The following NDRG4 variants were observed in gnomAD, a reference collection of about 807,000 sequenced individuals.
NDRG4 encodes the protein protein NDRG4.
Under a neutral mutation model 55.8 loss-of-function variants are expected in NDRG4, and 38 were observed. The ratio of observed to expected loss-of-function variants is 0.68; its 90% CI spans 0.53 to 0.89. NDRG4 has a LOEUF of 0.89. Ranked by LOEUF, NDRG4 falls within the 40% of genes least tolerant of loss-of-function variation. The pLI, the probability that NDRG4 is intolerant of heterozygous loss-of-function variation, is 0.00. For synonymous variants in NDRG4, 190 were observed against 182.7 expected, an observed-to-expected ratio of 1.04 and a Z score of -0.32; for missense variants, 455 against 468.6, an observed-to-expected ratio of 0.97 and a Z score of 0.27.
At chr16:58,485,609 C>T (rs2035000577) in intron 1 of NDRG4, among the ~76,000 whole-genome samples, 1 of 152,146 alleles carries the variant, frequency 6.6e-6, no homozygotes, top group South Asian at 2.1e-4. Context: ...CCCCCACACC[C>T]TGGATGGATG....
chr16:58,464,545 G>T lies in NDRG4; in HGVS notation c.-24+748G>T. The T allele has an allele frequency of 8.1e-7, 1 of 1,240,040 alleles. No homozygotes were observed. The allele number at this position is 1,240,040 out of a possible 1,614,324, so 76.8% of individuals were successfully genotyped here. On this transcript the variant is annotated intron_variant, in intron 1 of 15. Transcript: ENST00000258187. The surrounding 1 kb of genome is among the most constrained non-coding windows in gnomAD (Gnocchi z 4.8). The stretch of plus-strand genomic sequence containing the variant: ...TCCGGGCGCGGCGGCCGGGGACTGG[G>T]GCGGCTCGGGTCTGAGCAGGAAGGG...
intron 10 of NDRG4, among the ~76,000 whole-genome samples, chr16:58,508,728 G>T (rs1365497502): frequency 3.3e-5 from 5 of 152,206 alleles, no homozygotes; most frequent in African/African-American, 4.8e-5. Flanking sequence ...CCTAGCAGTT[G>T]TGAGTGGGCT....
At chr16:58,490,938 C>T (rs1447398192) in intron 2 of NDRG4, among the ~76,000 whole-genome samples, 2 of 149,358 alleles carry the variant, frequency 1.3e-5, no homozygotes, top group Non-Finnish European at 1.5e-5. Flanking sequence ...GATTACACCA[C>T]TACACTCCAG....
At chr16:58,508,036 G>T in intron 10 of NDRG4, 37 bp downstream of exon 10, 1 of 1,452,824 alleles carries the variant, frequency 6.9e-7, no homozygotes, top group Non-Finnish European at 9.4e-7. Flanking sequence ...GGGGTGGGAG[G>T]TAGGGGTGAG....
rs1363429178 is a variant in NDRG4 at position 58,464,412 on chromosome 16, G to GGCCGC, written c.-24+620_-24+624dup. 7.3e-7 allele frequency: 1 copy of GGCCGC among 1,368,610 alleles called. No individual in the cohort carries two copies. Among genetic ancestry groups the GGCCGC allele is most frequent in the African/African-American group, 1.5e-5 (1 of 65,704 alleles). The allele number at this position is 1,368,610 out of a possible 1,614,324, so 84.8% of individuals were successfully genotyped here. Reference sequence around the variant, plus strand: ...GCCCCGACGCCGCCACCCAGAGCCGGGCCGCGCCGGGCGCCGAGATGAAGG... The same window carrying GGCCGC: ...GCCCCGACGCCGCCACCCAGAGCCGGGCCGCGCCGCGCCGGGCGCCGAGATGAAGG... On this transcript the variant is annotated intron_variant, in intron 1 of 15. Transcript: ENST00000258187. The surrounding 1 kb of genome is among the most constrained non-coding windows in gnomAD (Gnocchi z 4.8).
intron 1 of NDRG4, among the ~76,000 whole-genome samples, chr16:58,471,270 G>A (rs1371077970): frequency 2.0e-5 from 3 of 147,812 alleles, no homozygotes; most frequent in South Asian, 2.2e-4. Context: ...TGACCTCGGC[G>A]TGAATGTGTG....
rs1567331544 is a variant in NDRG4, at chr16:58,500,261, T to G, written c.13T>G (p.Trp5Gly). 1.3e-6 allele frequency: 2 copies of G among 1,535,948 alleles called. No individual in the cohort carries two copies. Among genetic ancestry groups the G allele is most frequent in the Middle Eastern group, 1.7e-4 (1 of 5,940 alleles). The change falls in exon 1 of 15, where the codon TGG becomes GGG. Residue 5 changes from tryptophan to glycine, a missense_variant. Physicochemically the swap from Trp to Gly is radical, Grantham distance 184. Coordinates refer to ENST00000570248, the MANE Select transcript of NDRG4 (RefSeq NM_001242835.2). ...CTCCCTCGGCAAGATGCCGGAGTGC[T>G]GGGATGGGGTGAGTGAGGGCGCTGC... MPEC[W>G]DGEHDIETPY...
intron 1 of NDRG4, among the ~76,000 whole-genome samples, chr16:58,467,806 T>A (rs2031985688): frequency 6.6e-6 from 1 of 152,180 alleles, no homozygotes; most frequent in Admixed American, 6.5e-5. Flanking sequence ...GTGCAAGACG[T>A]CGAGTGCAGC....
rs1345338580 is a variant in NDRG4, at chr16:58,468,311, T to G, written c.-24+4514T>G. On this transcript the variant is annotated intron_variant, in intron 1 of 15. Transcript: ENST00000258187. ...GCAACAGGGACAAGGAAGGCGGGGGTTTTGGAATCAGAGGATGTGAATTTC... is the reference window on the plus strand; with the variant it reads ...GCAACAGGGACAAGGAAGGCGGGGGGTTTGGAATCAGAGGATGTGAATTTC... Among the ~76,000 whole-genome samples the G allele has an allele frequency of 1.1e-4, 17 of 151,692 alleles. 1 individual carries two copies. In the South Asian group the frequency reaches 3.6e-3, roughly 32 times the overall value.
intron 1 of NDRG4, among the ~76,000 whole-genome samples, chr16:58,487,518 TAA>T (rs906008307): frequency 3.4e-5 from 5 of 148,476 alleles, no homozygotes; most frequent in African/African-American, 5.0e-5. Flanking sequence ...AGACTCCGTG[TAA>T]AAAAAAAAAA....
intron 13 of NDRG4, among the ~76,000 whole-genome samples, chr16:58,509,955 C>A (rs2038584097): frequency 6.6e-6 from 1 of 152,172 alleles, no homozygotes; most frequent in Non-Finnish European, 1.5e-5. Context: ...CACACACACA[C>A]ACACAACACA....
chr16:58,507,832 G>C lies in NDRG4; in HGVS notation c.645G>C (p.Arg215=), dbSNP rs764586690. The change falls in exon 9 of 15, where the codon CGG becomes CGC. Residue 215 remains arginine, a synonymous_variant. Coordinates refer to ENST00000570248, the MANE Select transcript of NDRG4 (RefSeq NM_001242835.2). ...YNSRRDLDIN[R]PGTVPNAKTL... ...GCCGCAGAGACCTGGACATTAACCG[G>C]CCTGGAACGGTGCCCAATGCCAAGA... The C allele has an allele frequency of 1.9e-6, 3 of 1,613,952 alleles. No individual in the cohort carries two copies. The highest frequency in any genetic ancestry group is 4.5e-5 in the East Asian group (2 of 44,886).
intron 1 of NDRG4, among the ~76,000 whole-genome samples, chr16:58,465,723 A>AC (rs542588633): frequency 2.6e-5 from 4 of 152,094 alleles, no homozygotes; most frequent in Non-Finnish European, 4.4e-5. Context: ...ACATAGCGAG[A>AC]CCCCATCTTT....
chr16:58,471,179 T>C (rs765919528), intron 1 of NDRG4, among the ~76,000 whole-genome samples: 11 of 144,498 alleles, frequency 7.6e-5, no homozygotes, highest in Non-Finnish European at 1.7e-4. Context: ...AGAATGAATG[T>C]GTGTTGCTTT....
intron 1 of NDRG4, among the ~76,000 whole-genome samples, chr16:58,481,038 C>T (rs2034324841): frequency 6.6e-6 from 1 of 151,528 alleles, no homozygotes; most frequent in African/African-American, 2.4e-5. Flanking sequence ...TGATAGAGTC[C>T]ACACATGAGC....
At chr16:58,467,177 G>A (rs964329557) in intron 1 of NDRG4, among the ~76,000 whole-genome samples, 1 of 152,124 alleles carries the variant, frequency 6.6e-6, no homozygotes, top group African/African-American at 2.4e-5. Context: ...TCCCTGCCCC[G>A]ACATCAGCCT....
chr16:58,498,616 C>G (rs1264124638), upstream of NDRG4, among the ~76,000 whole-genome samples: 1 of 152,196 alleles, frequency 6.6e-6, no homozygotes, highest in Admixed American at 6.5e-5. Context: ...TGTAGACCCA[C>G]CCGGCCCTTG....
intron 1 of NDRG4, among the ~76,000 whole-genome samples, chr16:58,470,146 C>G (rs1283419000): frequency 1.3e-5 from 2 of 152,128 alleles, no homozygotes; most frequent in African/African-American, 4.8e-5. Flanking sequence ...TCTCACTTTT[C>G]TCAGTGAATG....
At position 58,512,830 on chromosome 16, in the gene NDRG4, A is replaced by C. The variant is rs2038941381; in HGVS notation, c.*1254A>C. Reference sequence around the variant, plus strand: ...CCAGAGCCATTTGTCTCAGACCCTAAATCAATAATCACAAACCCCAAAACG... The same window carrying C: ...CCAGAGCCATTTGTCTCAGACCCTACATCAATAATCACAAACCCCAAAACG... On this transcript the variant is annotated 3_prime_UTR_variant, in exon 15 of 15. Transcript: ENST00000570248. 1.3e-5 allele frequency: 2 copies of C among 152,758 alleles called. No homozygotes were observed. Among genetic ancestry groups the C allele is most frequent in the African/African-American group, 4.8e-5 (2 of 41,454 alleles). 9.5% of individuals were successfully genotyped at this position (152,758 alleles called of 1,614,324 possible). A position where few individuals can be genotyped will look rare whatever the true frequency, so the allele number is the denominator to read the frequency against.
Sources: gnomAD v4.1 joint callset for allele counts (sites outside exome capture counted in the v4.1 genomes callset) on GRCh38, gnomAD v4.1.1 for gene constraint, Gnocchi (gnomAD v3.1) non-coding constraint, MANE v1.5 for transcripts, NCBI Gene and HGNC (gene_info 2026-07-23, HGNC 2026-07-21) for gene names.